The following TFCP2 variants were observed in gnomAD, a reference collection of about 807,000 sequenced individuals.
TFCP2 encodes the protein transcription factor CP2.
TFCP2 carries 33 observed loss-of-function variants against 73.4 expected under a neutral mutation model. That is an observed-to-expected ratio of 0.45 (90% confidence interval 0.34 to 0.60). The LOEUF (loss-of-function observed/expected upper bound fraction) is 0.60. Ranked by LOEUF, TFCP2 falls within the 20% of genes least tolerant of loss-of-function variation. TFCP2 has a pLI of 0.01. For synonymous variants in TFCP2, 193 were observed against 211.6 expected (o/e 0.91, Z 0.76); for missense variants, 352 against 604.0 (o/e 0.58, Z 4.37).
intron 1 of TFCP2, among the ~76,000 whole-genome samples, chr12:51,130,471 CA>C (rs35709772): frequency 1.7e-4 from 24 of 143,062 alleles, no homozygotes; most frequent in Admixed American, 2.1e-4. Flanking sequence ...GACTCCGTCT[CA>C]AAAAAAAAAA....
intron 1 of TFCP2, among the ~76,000 whole-genome samples, chr12:51,143,772 A>G (rs1016952754): frequency 1.3e-5 from 2 of 152,174 alleles, no homozygotes; most frequent in African/African-American, 4.8e-5. Context: ...TCTCTTGGAA[A>G]AGATAGACCA....
At chr12:51,131,741 GATTT>G (rs1940949196) in intron 1 of TFCP2, among the ~76,000 whole-genome samples, 1 of 152,076 alleles carries the variant, frequency 6.6e-6, no homozygotes, top group African/African-American at 2.4e-5. Context: ...GTCATTCAAA[GATTT>G]ATTACCTACT....
chr12:51,156,148 AT>A (rs1303187302), intron 1 of TFCP2, among the ~76,000 whole-genome samples: 1 of 152,014 alleles, frequency 6.6e-6, no homozygotes, highest in African/African-American at 2.4e-5. Flanking sequence ...TCCATTTTGC[AT>A]TGCTATAAAG....
intron 13 of TFCP2, among the ~76,000 whole-genome samples, chr12:51,098,256 A>G (rs1193692644): frequency 6.6e-6 from 1 of 152,206 alleles, no homozygotes; most frequent in East Asian, 1.9e-4. Flanking sequence ...CAGAAATGAC[A>G]TCTTTTACAA....
chr12:51,095,883 C>G, intron 14 of TFCP2, 106 bp downstream of exon 14: 1 of 760,432 alleles, frequency 1.3e-6, no homozygotes, highest in Non-Finnish European at 2.0e-6. Flanking sequence ...CTTTCTTTAC[C>G]CAAATATGGT....
intron 1 of TFCP2, among the ~76,000 whole-genome samples, chr12:51,136,294 A>T: frequency 1.0e-5 from 1 of 97,352 alleles, no homozygotes; most frequent in Admixed American, 1.1e-4. Context: ...ACAGTGTGAG[A>T]CTCTAAATAA....
chr12:51,099,900 G>T, intron 11 of TFCP2, 121 bp from the exon 12 acceptor site: 1 of 1,219,682 alleles, frequency 8.2e-7, no homozygotes, highest in Non-Finnish European at 1.1e-6. Context: ...AAGCTCATTG[G>T]CCAAATGCAA....
intron 9 of TFCP2, 80 bp downstream of exon 9, chr12:51,104,075 T>G: frequency 7.5e-7 from 1 of 1,334,220 alleles, no homozygotes; most frequent in South Asian, 1.2e-5. Flanking sequence ...TCCCTAAAAG[T>G]TGGGCATTTC....
At chr12:51,108,121 C>T (rs1940300695) in intron 6 of TFCP2, among the ~76,000 whole-genome samples, 1 of 150,794 alleles carries the variant, frequency 6.6e-6, no homozygotes, top group African/African-American at 2.4e-5. Context: ...CCTGTCTCTA[C>T]TAAAAATACA....
At chr12:51,150,239 G>A (rs1014582087) in intron 1 of TFCP2, among the ~76,000 whole-genome samples, 3 of 152,058 alleles carry the variant, frequency 2.0e-5, no homozygotes, top group Non-Finnish European at 2.9e-5. Flanking sequence ...CCAACATGGC[G>A]AAACCTCTTC....
rs529162517 is a variant in TFCP2, at chr12:51,094,799, A to G, written c.*442T>C. The G allele has an allele frequency of 9.6e-5, 15 of 155,982 alleles. No individual in the cohort carries two copies. The highest frequency in any genetic ancestry group is 3.4e-4 in the African/African-American group (14 of 41,696). The allele number at this position is 155,982 out of a possible 1,614,324, so 9.7% of individuals were successfully genotyped here. ...TGTGGCAAAAAGCAGAGATACCAGT[A>G]CATTTGAGACCAGTACAAAGAGATT... is the stretch of plus-strand genomic sequence containing the variant. On this transcript the variant is annotated 3_prime_UTR_variant, in exon 15 of 15. Transcript: ENST00000257915.
At chr12:51,119,848 A>G (rs1358069338) in intron 1 of TFCP2, among the ~76,000 whole-genome samples, 1 of 152,028 alleles carries the variant, frequency 6.6e-6, no homozygotes, top group Non-Finnish European at 1.5e-5. Context: ...AAAAATGAAA[A>G]TGTAAGTCCA....
At chr12:51,129,096 A>C (rs1235007482) in intron 1 of TFCP2, among the ~76,000 whole-genome samples, 2 of 152,206 alleles carry the variant, frequency 1.3e-5, no homozygotes, top group Non-Finnish European at 2.9e-5. Flanking sequence ...ACAGCTGCCA[A>C]AATCACTGGT....
At chr12:51,108,164 T>C (rs1055274096) in intron 6 of TFCP2, among the ~76,000 whole-genome samples, 3 of 151,610 alleles carry the variant, frequency 2.0e-5, no homozygotes, top group Admixed American at 6.6e-5. Flanking sequence ...TGTGTGCCTG[T>C]AGTCCTAGGT....
chr12:51,112,020 T>C (rs1940413978), intron 4 of TFCP2, among the ~76,000 whole-genome samples: 1 of 151,854 alleles, frequency 6.6e-6, no homozygotes, highest in African/African-American at 2.4e-5. Context: ...TAGCCAGGCA[T>C]GGTAGTGGGC....
chr12:51,138,253 C>T (rs1377429884), intron 1 of TFCP2, among the ~76,000 whole-genome samples: 1 of 151,944 alleles, frequency 6.6e-6, no homozygotes, highest in Non-Finnish European at 1.5e-5. Context: ...GTGATTCTCC[C>T]GCCTCGGCCT....
At chr12:51,105,232 T>C (rs1477692784) in intron 8 of TFCP2, among the ~76,000 whole-genome samples, 1 of 152,070 alleles carries the variant, frequency 6.6e-6, no homozygotes, top group Non-Finnish European at 1.5e-5. Flanking sequence ...TAGCTGGGAT[T>C]ACAGGCGCCC....
At position 51,103,650 on chromosome 12, in the gene TFCP2, A is replaced by G. The variant is rs775167522; in HGVS notation, c.1060+20T>C. ...GGAAAATTTCATGCTAGGGAAAACA[A>G]AAGAAAAAGAAAATTTAACCTGAGA... On this transcript the variant is annotated intron_variant, in intron 10 of 14. Coordinates refer to ENST00000257915, the MANE Select transcript of TFCP2 (RefSeq NM_005653.5). The G allele has an allele frequency of 3.1e-6, 5 of 1,605,130 alleles. No homozygotes were observed. Among genetic ancestry groups the G allele is most frequent in the African/African-American group, 1.3e-5 (1 of 74,264 alleles).
At chr12:51,102,099 T>G in intron 10 of TFCP2, 74 bp from the exon 11 acceptor site, 1 of 1,023,306 alleles carries the variant, frequency 9.8e-7, no homozygotes, top group Non-Finnish European at 1.5e-6. Flanking sequence ...ATGGGCTGTA[T>G]TATAAGGACA....
Sources: allele counts gnomAD v4.1 joint callset (sites outside exome capture counted in the v4.1 genomes callset), GRCh38; gene constraint gnomAD v4.1.1; transcripts MANE v1.5; gene names NCBI Gene and HGNC (gene_info 2026-07-23, HGNC 2026-07-21).